The following ACOT12 variants were observed in gnomAD, a reference collection of about 807,000 sequenced individuals.
ACOT12 encodes acyl-CoA thioesterase 12, also known as acetyl-coenzyme A thioesterase.
In ACOT12, 51 loss-of-function variants were observed where a neutral mutation model predicts 67.7. The ratio of observed to expected loss-of-function variants is 0.75; its 90% CI spans 0.60 to 0.95. ACOT12 has a LOEUF of 0.95. Ranked by LOEUF, ACOT12 falls within the 40% of genes least tolerant of loss-of-function variation. The pLI is 0.00. For synonymous variants in ACOT12, 251 were observed against 244.6 expected, an observed-to-expected ratio of 1.03 and a Z score of -0.24; for missense variants, 734 against 708.1, an observed-to-expected ratio of 1.04 and a Z score of -0.41.
At chr5:81,325,316 C>G (rs1413937108), downstream of ACOT12, among the ~76,000 whole-genome samples, 1 of 152,168 alleles carries the variant, frequency 6.6e-6, no homozygotes, top group East Asian at 1.9e-4. Flanking sequence ...AGCAAACATC[C>G]AGGGAGATGG....
At chr5:81,332,432 T>A (rs372250212) in intron 13 of ACOT12, 45 bp downstream of exon 13, 16 of 1,602,226 alleles carry the variant, frequency 1.0e-5, no homozygotes, top group Non-Finnish European at 1.2e-5. Context: ...ATTTCTATCC[T>A]ATACTATGAA....
chr5:81,328,945 G>C (rs1040991973), downstream of ACOT12, among the ~76,000 whole-genome samples: 1 of 152,134 alleles, frequency 6.6e-6, no homozygotes, highest in African/African-American at 2.4e-5. Context: ...GGGCTAGTAT[G>C]GTGGGAGAAT....
At chr5:81,332,415 A>G (rs1454930884) in intron 13 of ACOT12, 62 bp downstream of exon 13, 90 of 1,555,138 alleles carry the variant, frequency 5.8e-5, no homozygotes, top group Non-Finnish European at 7.6e-5. Flanking sequence ...TTTCACATCA[A>G]CTTTTAATTT....
intron 3 of ACOT12, among the ~76,000 whole-genome samples, chr5:81,364,757 T>C (rs1272933156): frequency 1.3e-5 from 2 of 152,214 alleles, no homozygotes; most frequent in African/African-American, 4.8e-5. Flanking sequence ...TGGCATTATA[T>C]GAAAGCTCTT....
At chr5:81,383,799 A>G (rs1403286217) in intron 2 of ACOT12, among the ~76,000 whole-genome samples, 2 of 152,150 alleles carry the variant, frequency 1.3e-5, no homozygotes, top group African/African-American at 4.8e-5. Context: ...AAGGACATAA[A>G]GAAAAATATT....
chr5:81,356,060 C>A (rs886166169), intron 5 of ACOT12, among the ~76,000 whole-genome samples: 1 of 152,152 alleles, frequency 6.6e-6, no homozygotes, highest in Non-Finnish European at 1.5e-5. Context: ...CCCCACCCCC[C>A]GCATCCTTGT....
At chr5:81,359,129 T>A (rs1759818823) in intron 5 of ACOT12, among the ~76,000 whole-genome samples, 1 of 152,138 alleles carries the variant, frequency 6.6e-6, no homozygotes, top group Non-Finnish European at 1.5e-5. Flanking sequence ...TTCCGGTGCC[T>A]TCCTTTGGAG....
chr5:81,308,907 A>G, the ACOT12 span: 1 of 1,542,626 alleles, frequency 6.5e-7, no homozygotes. Flanking sequence ...GACTTGCCAT[A>G]TGTATTGTCA....
At chr5:81,380,865 TAG>T (rs1413808534) in intron 2 of ACOT12, among the ~76,000 whole-genome samples, 1 of 152,068 alleles carries the variant, frequency 6.6e-6, no homozygotes, top group Non-Finnish European at 1.5e-5. Flanking sequence ...GGAAACATCA[TAG>T]AGTGTACCCA....
intron 13 of ACOT12, among the ~76,000 whole-genome samples, chr5:81,331,303 T>C (rs766545435): frequency 1.1e-4 from 17 of 152,174 alleles, no homozygotes; most frequent in Non-Finnish European, 2.4e-4. Flanking sequence ...TTTGGGAGGC[T>C]GAGGCAGGCA....
chr5:81,332,198 T>A (rs1381857731), intron 13 of ACOT12, among the ~76,000 whole-genome samples: 2 of 152,224 alleles, frequency 1.3e-5, no homozygotes, highest in African/African-American at 4.8e-5. Flanking sequence ...TTTTTACTAA[T>A]CATGGTATGT....
At chr5:81,318,460 TAGTA>T in the ACOT12 span, among the ~76,000 whole-genome samples, 1 of 151,918 alleles carries the variant, frequency 6.6e-6, no homozygotes, top group Non-Finnish European at 1.5e-5. Flanking sequence ...GTTTTGAAAT[TAGTA>T]AGTGTAAGTC....
intron 2 of ACOT12, among the ~76,000 whole-genome samples, chr5:81,383,277 G>A (rs1418641004): frequency 6.6e-6 from 1 of 152,132 alleles, no homozygotes; most frequent in Non-Finnish European, 1.5e-5. Context: ...TACTCGGGAG[G>A]CTGAGGCAGG....
intron 11 of ACOT12, among the ~76,000 whole-genome samples, chr5:81,339,066 G>A (rs1475152895): frequency 1.3e-5 from 2 of 152,306 alleles, no homozygotes; most frequent in East Asian, 3.9e-4. Flanking sequence ...GGCAAAGAGT[G>A]AGACTCTATC....
chr5:81,357,380 G>A (rs73766224), intron 5 of ACOT12, among the ~76,000 whole-genome samples: 1,798 of 152,256 alleles, frequency 0.012, 37 homozygotes, highest in African/African-American at 0.041. Flanking sequence ...CATGACAGGC[G>A]TTTCATACAG....
chr5:81,317,499 C>T, the ACOT12 span, among the ~76,000 whole-genome samples: 13 of 123,892 alleles, frequency 1.0e-4, no homozygotes, highest in East Asian at 2.4e-3. Flanking sequence ...GAGACTCCAT[C>T]CCAAAAAAAA....
the ACOT12 span, among the ~76,000 whole-genome samples, chr5:81,309,876 A>T: frequency 6.6e-6 from 1 of 152,230 alleles, no homozygotes; most frequent in African/African-American, 2.4e-5. Context: ...GGTGGGTCCC[A>T]TATAATTGAC....
intron 3 of ACOT12, among the ~76,000 whole-genome samples, chr5:81,367,306 C>CATTTCTATTCT (rs1484047127): frequency 6.6e-6 from 1 of 152,066 alleles, no homozygotes; most frequent in Non-Finnish European, 1.5e-5. Flanking sequence ...TACTTCTTTT[C>CATTTCTATTCT]ATTTCTATTC....
At chr5:81,344,271 A>G in intron 8 of ACOT12, 56 bp from the exon 9 acceptor site, 3 of 1,535,690 alleles carry the variant, frequency 2.0e-6, no homozygotes, top group Non-Finnish European at 2.7e-6. Context: ...CTACTATCTT[A>G]GTGCTATAAT....
Sources: allele counts gnomAD v4.1 joint callset (sites outside exome capture counted in the v4.1 genomes callset), GRCh38; gene constraint gnomAD v4.1.1; transcripts MANE v1.5; gene names NCBI Gene and HGNC (gene_info 2026-07-23, HGNC 2026-07-21).